Variants in RNPS1 observed in about 807,000 individuals in gnomAD.
RNPS1 encodes the protein RNA-binding protein with serine-rich domain 1.
For missense variants in RNPS1, 300 were observed against 427.6 expected, an observed-to-expected ratio of 0.70 and a Z score of 2.63; for synonymous variants, 147 against 150.0, an observed-to-expected ratio of 0.98 and a Z score of 0.15.
intron 6 of RNPS1, among the ~76,000 whole-genome samples, chr16:2,259,147 G>C (rs901832069): frequency 1.3e-5 from 2 of 151,578 alleles, no homozygotes; most frequent in Admixed American, 6.6e-5. Context: ...AAAAGGATTG[G>C]GTTTTAACAT....
At chr16:2,258,135 T>A (rs1016340759) in intron 6 of RNPS1, 2 of 152,230 alleles carry the variant, frequency 1.3e-5, no homozygotes, top group African/African-American at 4.8e-5. Context: ...AAATAAACTG[T>A]ATAGATTCAG....
chr16:2,259,435 T>C (rs1325010181), intron 6 of RNPS1, among the ~76,000 whole-genome samples: 1 of 152,248 alleles, frequency 6.6e-6, no homozygotes, highest in Non-Finnish European at 1.5e-5. Context: ...CCCTAAAACC[T>C]TTTTGTCATC....
rs1389298583 is a variant in RNPS1 at position 2,253,806 on chromosome 16, C to T, written c.*158G>A. On this transcript the variant is annotated 3_prime_UTR_variant, in exon 8 of 8. Coordinates refer to ENST00000320225, the MANE Select transcript of RNPS1 (RefSeq NM_080594.4). ...AGCATCCAAACCAACAGCACTTCTG[C>T]AGCCGGGGCCCGGCTGGCAGAGGGG... 9.6e-5 allele frequency: 70 copies of T among 732,780 alleles called. No individual in the cohort carries two copies. The Admixed American group carries it at 1.4e-3, about 14-fold the overall frequency. The allele number at this position is 732,780 out of a possible 1,614,324, so 45.4% of individuals were successfully genotyped here.
At chr16:2,260,144 ATTCTT>A (rs1313338584) in intron 6 of RNPS1, among the ~76,000 whole-genome samples, 6 of 101,176 alleles carry the variant, frequency 5.9e-5, no homozygotes, top group African/African-American at 2.2e-4. Flanking sequence ...GTGTGTGTGT[ATTCTT>A]TTTTTTTTTT....
Position 2,253,466 on chromosome 16 carries a change from AG to A in RNPS1, c.*497del, listed in dbSNP as rs1254106319. ...ACGAGCAGCAACTACCATGGGTGAG[AG>A]GATCTTTGAGGGGGTGTGACCCTTG... On this transcript the variant is annotated 3_prime_UTR_variant, in exon 8 of 8. Transcript: ENST00000320225. 4.7e-6 allele frequency: 1 copy of A among 212,690 alleles called. No individual in the cohort carries two copies. The highest frequency in any genetic ancestry group is 2.4e-5 in the African/African-American group (1 of 42,012). The allele number at this position is 212,690 out of a possible 1,614,324, so 13.2% of individuals were successfully genotyped here. A position where few individuals can be genotyped will look rare whatever the true frequency, so the allele number is the denominator to read the frequency against.
At position 2,254,451 on chromosome 16, in the gene RNPS1, G is replaced by A. The variant is rs796127995; in HGVS notation, c.819-388C>T. On this transcript the variant is annotated intron_variant, in intron 7 of 7. Transcript: ENST00000320225. The stretch of plus-strand genomic sequence containing the variant: ...TGGGACTACAGGCACACGCCACCAC[G>A]CACAGCTAATTTTGTTTTGTTTTTT... Among the ~76,000 whole-genome samples, 20 of 152,110 alleles carry A rather than the reference G, an allele frequency of 1.3e-4. 1 individual carries two copies. Among genetic ancestry groups the A allele is most frequent in the East Asian group, 7.8e-4 (4 of 5,148 alleles).
Position 2,253,900 on chromosome 16 carries a change from G to A in RNPS1, c.*64C>T. 7.0e-7 allele frequency: 1 copy of A among 1,438,592 alleles called. No homozygotes were observed. Among genetic ancestry groups the A allele is most frequent in the Non-Finnish European group, 9.6e-7 (1 of 1,043,972 alleles). 89.1% of individuals were successfully genotyped at this position (1,438,592 alleles called of 1,614,324 possible). On this transcript the variant is annotated 3_prime_UTR_variant, in exon 8 of 8. Transcript: ENST00000320225. ...TTTCCTACTGGTCTTCCTTTGGCTA[G>A]AAAAGTGACAAAACTGAGCTGGGTG...
intron 3 of RNPS1, chr16:2,263,890 T>G: frequency 2.6e-6 from 1 of 378,180 alleles, no homozygotes; most frequent in Non-Finnish European, 4.7e-6. Context: ...TTTTACAAAT[T>G]ACTCTTTTTT....
At chr16:2,254,954 G>C (rs2093571067) in intron 7 of RNPS1, among the ~76,000 whole-genome samples, 1 of 152,036 alleles carries the variant, frequency 6.6e-6, no homozygotes, top group Admixed American at 6.6e-5. Context: ...GTATTAGCCA[G>C]GGTGGTCTCG....
At chr16:2,262,534 T>C (rs1417116409) in intron 5 of RNPS1, 103 bp from the exon 6 acceptor site, 2 of 1,229,020 alleles carry the variant, frequency 1.6e-6, no homozygotes, top group Non-Finnish European at 2.4e-6. Context: ...GGGTAAAACA[T>C]TCCATCTGAT....
intron 6 of RNPS1, 155 bp downstream of exon 6, chr16:2,262,123 G>A (rs1237752711): frequency 6.2e-6 from 4 of 640,220 alleles, no homozygotes; most frequent in Non-Finnish European, 1.0e-5. Flanking sequence ...CCAAACCTCA[G>A]TTTGGTCCAG....
intron 1 of RNPS1, chr16:2,266,102 T>C (rs1443958586): frequency 1.8e-5 from 18 of 985,124 alleles, no homozygotes; most frequent in Non-Finnish European, 2.2e-5. Flanking sequence ...CAGCTACTTC[T>C]GTCTCACCTT....
At chr16:2,260,114 A>C (rs1403163735) in intron 6 of RNPS1, among the ~76,000 whole-genome samples, 1 of 150,216 alleles carries the variant, frequency 6.7e-6, no homozygotes, top group Admixed American at 6.6e-5. Flanking sequence ...ATTTCTTCAG[A>C]ATTTGGAAAC....
In RNPS1 at chr16:2,262,750, T is replaced by C; in HGVS notation, c.512A>G (p.Asn171Ser). ...TKVHIGRLTRNVTKDHIMEIF... is the reference protein window; with the variant it reads ...TKVHIGRLTRSVTKDHIMEIF... ...ATCCATGATCCTCACCTTTGTCACA[T>C]TCCGGGTGAGTCTCCCAATGTGCAC... Residue 171 changes from asparagine (N) to serine (S), a missense_variant, in exon 5 of 8, where the codon AAT becomes AGT. Coordinates refer to ENST00000320225, the MANE Select transcript of RNPS1 (RefSeq NM_080594.4). 1 of 1,612,568 alleles carries C rather than the reference T, an allele frequency of 6.2e-7. No homozygotes were observed. Among genetic ancestry groups the C allele is most frequent in the Non-Finnish European group, 8.5e-7 (1 of 1,179,732 alleles).
rs374666833 is a variant in RNPS1, at chr16:2,262,230, C to T, written c.676+48G>A. The T allele has an allele frequency of 1.5e-4, 242 of 1,573,880 alleles. No homozygotes were observed. The African/African-American group carries it at 1.8e-3, about 12-fold the overall frequency. ...TGGAAATCAGTTTGAAAGCCCCTCG[C>T]GGCGGCGGGTCTCTGAGAGGTCAGG... is the stretch of plus-strand genomic sequence containing the variant. On this transcript the variant is annotated intron_variant, in intron 6 of 7. Coordinates refer to ENST00000320225, the MANE Select transcript of RNPS1 (RefSeq NM_080594.4).
At chr16:2,266,391 G>C (rs1165563664) in intron 1 of RNPS1, 2 of 985,250 alleles carry the variant, frequency 2.0e-6, no homozygotes, top group Admixed American at 6.2e-5. Context: ...CGGACAATCA[G>C]TGAGTATCAT....
At chr16:2,254,540 G>A (rs189701238) in intron 7 of RNPS1, among the ~76,000 whole-genome samples, 10 of 151,108 alleles carry the variant, frequency 6.6e-5, no homozygotes, top group South Asian at 4.2e-4. Flanking sequence ...CTCGTGTTCC[G>A]CCCACCTCGG....
At chr16:2,265,409 AAAT>A (rs1318648054) in intron 1 of RNPS1, 3 of 152,202 alleles carry the variant, frequency 2.0e-5, no homozygotes, top group Non-Finnish European at 2.9e-5. Context: ...TTTAAAGAAA[AAAT>A]AAGATTGATG....
chr16:2,258,414 A>C (rs1353955422), intron 6 of RNPS1: 4 of 152,246 alleles, frequency 2.6e-5, no homozygotes, highest in Admixed American at 2.0e-4. Flanking sequence ...CTTTTCGGTA[A>C]TCACACACCC....
Sources: allele counts gnomAD v4.1 joint callset (sites outside exome capture counted in the v4.1 genomes callset), GRCh38; gene constraint gnomAD v4.1.1; transcripts MANE v1.5; gene names NCBI Gene and HGNC (gene_info 2026-07-23, HGNC 2026-07-21).